SPACA7: variants seen among roughly 807,000 people sequenced by gnomAD.
SPACA7 encodes the protein sperm acrosome-associated protein 7.
In SPACA7, 19 loss-of-function variants were observed where a neutral mutation model predicts 26.3. The observed-to-expected ratio is 0.72, with a 90% CI of 0.50 to 1.06. The LOEUF (loss-of-function observed/expected upper bound fraction) is 1.06, where lower values mean the gene tolerates loss of function less well. Among genes scored for constraint, SPACA7 ranks in the 50% least tolerant of loss-of-function variants. SPACA7 has a pLI of 0.00. For missense variants in SPACA7, 211 were observed against 229.9 expected (o/e 0.92, Z 0.53); for synonymous variants, 84 against 84.5 (o/e 0.99, Z 0.04).
chr13:112,383,918 C>T (rs964256808), intron 1 of SPACA7, among the ~76,000 whole-genome samples: 3 of 152,150 alleles, frequency 2.0e-5, no homozygotes. Flanking sequence ...ATTGAGAATA[C>T]TTAGAAATAG....
chr13:112,390,975 TG>T (rs1449500666), intron 1 of SPACA7, among the ~76,000 whole-genome samples: 1 of 152,194 alleles, frequency 6.6e-6, no homozygotes, highest in Non-Finnish European at 1.5e-5. Context: ...GAAGGAATGC[TG>T]GGGGTGCTGC....
chr13:112,394,161 C>T (rs1187883649), intron 2 of SPACA7, among the ~76,000 whole-genome samples: 1 of 152,180 alleles, frequency 6.6e-6, no homozygotes, highest in Admixed American at 6.5e-5. Flanking sequence ...CGTGGACAGC[C>T]GCGCTCCAGG....
At chr13:112,377,039 C>T (rs1883740503) in intron 1 of SPACA7, among the ~76,000 whole-genome samples, 1 of 152,156 alleles carries the variant, frequency 6.6e-6, no homozygotes. Flanking sequence ...GGGGCTACTA[C>T]CATGGTGTCT....
chr13:112,412,050 C>A (rs1195691455), intron 5 of SPACA7, among the ~76,000 whole-genome samples: 1 of 152,068 alleles, frequency 6.6e-6, no homozygotes, highest in African/African-American at 2.4e-5. Context: ...AGTGGCTGAA[C>A]TAGTTTACAC....
At chr13:112,419,785 AG>A (rs1306296504) in intron 5 of SPACA7, among the ~76,000 whole-genome samples, 6 of 152,188 alleles carry the variant, frequency 3.9e-5, no homozygotes, top group Non-Finnish European at 7.4e-5. Flanking sequence ...GATAAGGACA[AG>A]TGAGAAATCC....
intron 1 of SPACA7, among the ~76,000 whole-genome samples, chr13:112,381,463 A>G (rs1245561681): frequency 6.7e-6 from 1 of 148,630 alleles, no homozygotes; most frequent in Non-Finnish European, 1.5e-5. Context: ...CCTGCACTCC[A>G]GCCTGGCTGA....
intron 5 of SPACA7, among the ~76,000 whole-genome samples, chr13:112,405,466 G>C (rs1434777281): frequency 6.6e-6 from 1 of 151,922 alleles, no homozygotes; most frequent in African/African-American, 2.4e-5. Flanking sequence ...CAATTCCCAG[G>C]TAACAGGGCA....
At chr13:112,411,988 T>C (rs1171416990) in intron 5 of SPACA7, among the ~76,000 whole-genome samples, 2 of 152,258 alleles carry the variant, frequency 1.3e-5, no homozygotes, top group East Asian at 1.9e-4. Context: ...CTAGATCATA[T>C]GGTAGTTCTG....
At chr13:112,420,739 C>T (rs146770576) in intron 5 of SPACA7, among the ~76,000 whole-genome samples, 9 of 151,824 alleles carry the variant, frequency 5.9e-5, no homozygotes, top group South Asian at 2.1e-4. Context: ...AAGCAGGATA[C>T]GTTTAAACAC....
chr13:112,382,458 G>A, intron 1 of SPACA7: 2 of 1,550,238 alleles, frequency 1.3e-6, no homozygotes, highest in South Asian at 1.2e-5. Flanking sequence ...CAATGCTCTG[G>A]CTTCTTCCCA....
At chr13:112,390,913 C>T (rs1278014) in intron 1 of SPACA7, among the ~76,000 whole-genome samples, 46,326 of 152,106 alleles carry the variant, frequency 0.3, 7,415 homozygotes, top group Non-Finnish European at 0.35. Context: ...ACCCTCACTG[C>T]GTGTCCTACA....
intron 5 of SPACA7, among the ~76,000 whole-genome samples, chr13:112,410,372 AAT>A (rs557711314): frequency 4.0e-5 from 6 of 151,440 alleles, no homozygotes; most frequent in Non-Finnish European, 5.9e-5. Flanking sequence ...CAATTAAAAA[AAT>A]ATATATATAT....
intron 5 of SPACA7, among the ~76,000 whole-genome samples, chr13:112,413,633 G>A (rs1886495762): frequency 6.6e-6 from 1 of 151,884 alleles, no homozygotes; most frequent in African/African-American, 2.4e-5. Flanking sequence ...ATTTCTCTAG[G>A]TTTGGAAAGG....
chr13:112,395,309 G>A (rs1027646627), intron 2 of SPACA7, among the ~76,000 whole-genome samples: 10 of 152,206 alleles, frequency 6.6e-5, no homozygotes, highest in African/African-American at 2.4e-4. Context: ...AGGAGCTGTC[G>A]ATGATGGATG....
chr13:112,410,911 G>A (rs1010337459), intron 5 of SPACA7, among the ~76,000 whole-genome samples: 6 of 152,074 alleles, frequency 3.9e-5, no homozygotes, highest in Admixed American at 1.3e-4. Flanking sequence ...GTCCACTGAC[G>A]AATACATGGA....
chr13:112,380,792 G>T (rs753788583), intron 1 of SPACA7, among the ~76,000 whole-genome samples: 10 of 152,168 alleles, frequency 6.6e-5, no homozygotes, highest in Non-Finnish European at 1.0e-4. Flanking sequence ...TGCACAGGAA[G>T]TTGTTTTTCT....
At chr13:112,402,001 C>G (rs1283455816) in intron 5 of SPACA7, among the ~76,000 whole-genome samples, 1 of 152,196 alleles carries the variant, frequency 6.6e-6, no homozygotes, top group Admixed American at 6.5e-5. Flanking sequence ...ACACACTTCC[C>G]TCTTTTAGTT....
chr13:112,419,565 AG>A, intron 5 of SPACA7, among the ~76,000 whole-genome samples: 1 of 152,332 alleles, frequency 6.6e-6, no homozygotes, highest in Middle Eastern at 3.4e-3. Flanking sequence ...TGGGGATAGG[AG>A]TAAAAGCAAA....
intron 5 of SPACA7, among the ~76,000 whole-genome samples, chr13:112,416,951 C>T (rs950498109): frequency 2.0e-5 from 3 of 151,644 alleles, no homozygotes; most frequent in African/African-American, 7.3e-5. Context: ...TCTTTAGACT[C>T]TTGTATGTTT....
Sources: gnomAD v4.1 joint callset for allele counts (sites outside exome capture counted in the v4.1 genomes callset) on GRCh38, gnomAD v4.1.1 for gene constraint, MANE v1.5 for transcripts, NCBI Gene and HGNC (gene_info 2026-07-23, HGNC 2026-07-21) for gene names.